PLS1: variants seen among roughly 807,000 people sequenced by gnomAD.
PLS1 encodes the protein plastin-1.
A neutral mutation model predicts 73.7 loss-of-function variants in PLS1; 32 were observed. The ratio of observed to expected loss-of-function variants is 0.43; its 90% CI spans 0.33 to 0.58. The LOEUF is 0.58. PLS1 is among the 20% of genes least tolerant of loss of function. PLS1 has a pLI of 0.04. For missense variants in PLS1, 633 were observed against 740.5 expected (o/e 0.85, Z 1.68); for synonymous variants, 217 against 261.3 (o/e 0.83, Z 1.63).
intron 1 of PLS1, chr3:142,619,306 T>C (rs1478591976): frequency 6.6e-6 from 1 of 152,162 alleles, no homozygotes; most frequent in Non-Finnish European, 1.5e-5. Flanking sequence ...AGCCAGAATA[T>C]TTGCTTTTTG....
intron 6 of PLS1, among the ~76,000 whole-genome samples, chr3:142,678,476 TG>T (rs1467248849): frequency 7.4e-6 from 1 of 134,754 alleles, no homozygotes; most frequent in East Asian, 2.3e-4. Flanking sequence ...CCTGTGTCCA[TG>T]TGTTCTCATT....
At chr3:142,647,344 A>G (rs1022726223) in intron 1 of PLS1, among the ~76,000 whole-genome samples, 5 of 152,220 alleles carry the variant, frequency 3.3e-5, no homozygotes, top group African/African-American at 1.2e-4. Flanking sequence ...CTTAAAAATT[A>G]CAAGGTGATA....
In PLS1 at chr3:142,684,092, A is replaced by G. The variant is rs774436997; in HGVS notation, c.666A>G (p.Lys222=). Residue 222 remains lysine, a synonymous_variant, in exon 7 of 16, where the codon AAA becomes AAG. Transcript: ENST00000457734. ...NIGASDLKEG[K]PHLVLGLLWQ... is the part of the protein sequence containing the mutation. ...GTGCATCAGATCTCAAAGAAGGAAA[A>G]CCTCACTTGGTCTTGGGACTTCTCT... The G allele has an allele frequency of 1.2e-6, 2 of 1,613,700 alleles. No homozygotes were observed. The highest frequency in any genetic ancestry group is 2.2e-5 in the South Asian group (2 of 91,056).
chr3:142,604,632 C>T (rs955023077), intron 1 of PLS1, among the ~76,000 whole-genome samples: 4 of 152,072 alleles, frequency 2.6e-5, no homozygotes, highest in Non-Finnish European at 5.9e-5. Context: ...CTCAAATAGC[C>T]AAATTAAATT....
At position 142,678,030 on chromosome 3, in the gene PLS1, A is replaced by G; in HGVS notation, c.498-2A>G. On this transcript the variant is annotated splice_acceptor_variant, in intron 5 of 15. Coordinates refer to ENST00000457734, the MANE Select transcript of PLS1 (RefSeq NM_001145319.2). LOFTEE classifies it high-confidence loss of function. ...ACTAAATTATTCTCATTTTCTCTTTAGCAAAATGATCAACTTATCTGAACC... is the reference window on the plus strand; with the variant it reads ...ACTAAATTATTCTCATTTTCTCTTTGGCAAAATGATCAACTTATCTGAACC... 1 of 1,474,494 alleles carries G rather than the reference A, an allele frequency of 6.8e-7. No homozygotes were observed. Among genetic ancestry groups the G allele is most frequent in the South Asian group, 1.3e-5 (1 of 78,978 alleles). The allele number at this position is 1,474,494 out of a possible 1,614,324, so 91.3% of individuals were successfully genotyped here.
chr3:142,711,161 G>A (rs1262597196), intron 14 of PLS1, among the ~76,000 whole-genome samples: 1 of 152,072 alleles, frequency 6.6e-6, no homozygotes, highest in Non-Finnish European at 1.5e-5. Flanking sequence ...TAAGAAATAT[G>A]TGAGTAGAAT....
At chr3:142,693,265 C>T (rs1197052447) in intron 10 of PLS1, among the ~76,000 whole-genome samples, 1 of 152,110 alleles carries the variant, frequency 6.6e-6, no homozygotes, top group Non-Finnish European at 1.5e-5. Flanking sequence ...GAACAGTTGG[C>T]ACAAATAACA....
intron 1 of PLS1, among the ~76,000 whole-genome samples, chr3:142,632,209 A>C (rs1437432645): frequency 6.6e-6 from 1 of 151,958 alleles, no homozygotes; most frequent in Non-Finnish European, 1.5e-5. Context: ...CATTCAGTAC[A>C]CTCCTCCACT....
chr3:142,672,653 A>G (rs530719484), intron 4 of PLS1, among the ~76,000 whole-genome samples: 19 of 152,204 alleles, frequency 1.2e-4, no homozygotes, highest in Non-Finnish European at 2.5e-4. Flanking sequence ...GAAGTGTACT[A>G]TTCTTAAGTA....
chr3:142,611,409 G>T (rs988474783), intron 1 of PLS1, among the ~76,000 whole-genome samples: 3 of 152,110 alleles, frequency 2.0e-5, no homozygotes, highest in Admixed American at 2.0e-4. Context: ...ATCATCTGAG[G>T]CCAAGAATTC....
At position 142,686,394 on chromosome 3, in the gene PLS1, C is replaced by A. The variant is rs772758256; in HGVS notation, c.981+18C>A. 5 of 1,434,796 alleles carry A rather than the reference C, an allele frequency of 3.5e-6. No homozygotes were observed. The African/African-American group carries it at 5.6e-5, about 16-fold the overall frequency. 88.9% of individuals were successfully genotyped at this position (1,434,796 alleles called of 1,614,324 possible). ...GAATTAATGTGAGTGCAATTTTTAA[C>A]TTTTAAAATATATTGTGGTAAAACA... On this transcript the variant is annotated intron_variant, in intron 9 of 15. Transcript: ENST00000457734.
intron 1 of PLS1, chr3:142,623,259 T>TAAAA: frequency 6.6e-6 from 1 of 152,344 alleles, no homozygotes; most frequent in East Asian, 1.9e-4. Context: ...TACCACAATG[T>TAAAA]ATTTTAAGCT....
intron 1 of PLS1, among the ~76,000 whole-genome samples, chr3:142,607,105 CTT>C (rs1428735172): frequency 2.0e-5 from 3 of 152,064 alleles, no homozygotes; most frequent in Non-Finnish European, 4.4e-5. Flanking sequence ...TATTATCTGT[CTT>C]TTAAATTATG....
chr3:142,650,214 T>C (rs113414844), intron 1 of PLS1, among the ~76,000 whole-genome samples: 1 of 123,618 alleles, frequency 8.1e-6, no homozygotes, highest in African/African-American at 3.5e-5. Flanking sequence ...TCTTCTTCTT[T>C]TTTTTTTTTT....
intron 1 of PLS1, among the ~76,000 whole-genome samples, chr3:142,608,878 G>A (rs1385388964): frequency 6.6e-6 from 1 of 152,208 alleles, no homozygotes; most frequent in East Asian, 1.9e-4. Flanking sequence ...CATAAAGCAG[G>A]CAATGAGCTA....
chr3:142,624,431 C>G (rs1018886743), intron 1 of PLS1, among the ~76,000 whole-genome samples: 2 of 152,138 alleles, frequency 1.3e-5, no homozygotes, highest in African/African-American at 4.8e-5. Context: ...GCTGTAGCAG[C>G]CTTACCTTAA....
At chr3:142,689,902 G>A (rs2038053546) in intron 10 of PLS1, 89 bp downstream of exon 10, 2 of 826,502 alleles carry the variant, frequency 2.4e-6, no homozygotes, top group Non-Finnish European at 1.9e-6. Flanking sequence ...GGATTGTGGT[G>A]GGAAATGCAA....
chr3:142,616,872 G>T (rs1045796661), intron 1 of PLS1, among the ~76,000 whole-genome samples: 2 of 152,176 alleles, frequency 1.3e-5, no homozygotes, highest in Admixed American at 6.5e-5. Context: ...AAGGTGCTAG[G>T]ATTACAGGTG....
At chr3:142,690,494 T>C (rs938002820) in intron 10 of PLS1, among the ~76,000 whole-genome samples, 5 of 152,218 alleles carry the variant, frequency 3.3e-5, no homozygotes, top group African/African-American at 4.8e-5. Context: ...TAAAACTTAA[T>C]TAGAATAGCA....
Sources: allele counts gnomAD v4.1 joint callset (sites outside exome capture counted in the v4.1 genomes callset), GRCh38; gene constraint gnomAD v4.1.1; transcripts MANE v1.5; gene names NCBI Gene and HGNC (gene_info 2026-07-23, HGNC 2026-07-21).